Variants in NEO1 observed in about 807,000 individuals in gnomAD.
NEO1 encodes the protein neogenin 1.
A neutral mutation model predicts 159.7 loss-of-function variants in NEO1; 63 were observed. The ratio of observed to expected loss-of-function variants is 0.39; its 90% CI spans 0.32 to 0.49. The LOEUF (loss-of-function observed/expected upper bound fraction) is 0.49, where lower values mean the gene tolerates loss of function less well. Ranked by LOEUF, NEO1 falls within the 20% of genes least tolerant of loss-of-function variation. NEO1 has a pLI of 0.85. For synonymous variants in NEO1, 633 were observed against 662.0 expected (o/e 0.96, Z 0.67); for missense variants, 1,615 against 1,831.0 (o/e 0.88, Z 2.15).
At position 73,293,445 on chromosome 15, in the gene NEO1, C is replaced by T; in HGVS notation, c.3798C>T (p.His1266=). The T allele has an allele frequency of 6.2e-7, 1 of 1,614,222 alleles. No homozygotes were observed. The highest frequency in any genetic ancestry group is 8.5e-7 in the Non-Finnish European group (1 of 1,180,038). ...TCGATAACCCTCACCATCATTTCCA[C>T]TCCAGCAGCCTCGCTTCTCCAGCTC... ...HSLDNPHHHF[H]SSSLASPARS... is the part of the protein sequence containing the mutation. The change falls in exon 26 of 29, where the codon CAC becomes CAT. Residue 1266 remains histidine, a synonymous_variant. Transcript: ENST00000261908.
At chr15:73,225,030 GA>G (rs1203585666) in intron 7 of NEO1, among the ~76,000 whole-genome samples, 1 of 152,094 alleles carries the variant, frequency 6.6e-6, no homozygotes, top group Non-Finnish European at 1.5e-5. Flanking sequence ...TTTTCCTATG[GA>G]TGTGGCTTCC....
In NEO1 at chr15:73,303,013, C is replaced by G; in HGVS notation, c.*317C>G. ...CCTGCATTTCACTTTGTGGTCAGGC[C>G]GTGTCTTTGTGCTGTGACTGCATCA... On this transcript the variant is annotated 3_prime_UTR_variant, in exon 29 of 29. Coordinates refer to ENST00000261908, the MANE Select transcript of NEO1 (RefSeq NM_002499.4). The G allele has an allele frequency of 6.9e-6, 2 of 288,430 alleles. No homozygotes were observed. The highest frequency in any genetic ancestry group is 1.1e-4 in the South Asian group (2 of 18,524). 17.9% of individuals were successfully genotyped at this position (288,430 alleles called of 1,614,324 possible).
intron 1 of NEO1, among the ~76,000 whole-genome samples, chr15:73,095,345 T>C (rs2069952713): frequency 6.6e-6 from 1 of 152,310 alleles, no homozygotes; most frequent in African/African-American, 2.4e-5. Context: ...AAGGAGAATT[T>C]GCGACAGCAA....
intron 7 of NEO1, among the ~76,000 whole-genome samples, chr15:73,182,301 T>C (rs2035655562): frequency 6.6e-6 from 1 of 152,008 alleles, no homozygotes; most frequent in Admixed American, 6.5e-5. Flanking sequence ...ACTAGAAGAA[T>C]GGTGACACCT....
In NEO1 at chr15:73,239,606, C is replaced by T. The variant is rs188492662; in HGVS notation, c.1451+3100C>T. ...ACACATAGACACTTGCCATTGTGTT[C>T]GCATTGCCTACAGCGTTCAGTACAG... On this transcript the variant is annotated intron_variant, in intron 8 of 28. Transcript: ENST00000261908. 3.7e-3 allele frequency among the ~76,000 whole-genome samples: 570 copies of T among 152,246 alleles called. 21 individuals carry two copies. Among genetic ancestry groups the T allele is most frequent in the Admixed American group, 0.033 (509 of 15,296 alleles).
At chr15:73,141,089 T>C (rs949850124) in intron 5 of NEO1, among the ~76,000 whole-genome samples, 1 of 152,240 alleles carries the variant, frequency 6.6e-6, no homozygotes, top group Non-Finnish European at 1.5e-5. Context: ...CTTTTTTTAC[T>C]GTTTACAGAT....
intron 3 of NEO1, among the ~76,000 whole-genome samples, chr15:73,125,008 C>A (rs937054689): frequency 7.2e-5 from 11 of 152,190 alleles, no homozygotes; most frequent in Admixed American, 5.2e-4. Context: ...CTTGCTTTTA[C>A]ATGACAGAGG....
chr15:73,194,953 T>C (rs2036453964), intron 7 of NEO1, among the ~76,000 whole-genome samples: 1 of 152,216 alleles, frequency 6.6e-6, no homozygotes, highest in Admixed American at 6.5e-5. Context: ...TGAATGCTGT[T>C]TTTAGATAGC....
chr15:73,179,395 G>C (rs139505639), intron 7 of NEO1, among the ~76,000 whole-genome samples: 1 of 152,212 alleles, frequency 6.6e-6, no homozygotes, highest in Non-Finnish European at 1.5e-5. Flanking sequence ...GTGGTGTTTT[G>C]CTCTCTAAAC....
chr15:73,116,993 T>A (rs2071363607), intron 2 of NEO1, 136 bp downstream of exon 2: 3 of 695,534 alleles, frequency 4.3e-6, no homozygotes. Flanking sequence ...CAATTGTGCA[T>A]ATACTCTGCG....
At chr15:73,205,663 G>A (rs2037171207) in intron 7 of NEO1, among the ~76,000 whole-genome samples, 1 of 152,092 alleles carries the variant, frequency 6.6e-6, no homozygotes, top group African/African-American at 2.4e-5. Flanking sequence ...TGTCTCCCAT[G>A]GCTTCTGCTT....
chr15:73,066,846 G>C (rs573909788), intron 1 of NEO1, among the ~76,000 whole-genome samples: 1 of 152,136 alleles, frequency 6.6e-6, no homozygotes, highest in Non-Finnish European at 1.5e-5. Context: ...AGAATCTGCC[G>C]ATAGCTCTAG....
chr15:73,164,316 C>T (rs1418425485), intron 5 of NEO1, among the ~76,000 whole-genome samples: 3 of 151,258 alleles, frequency 2.0e-5, no homozygotes, highest in Non-Finnish European at 4.4e-5. Flanking sequence ...TGGGTTCAGT[C>T]CATTCTCCTG....
At chr15:73,182,762 G>C (rs921287810) in intron 7 of NEO1, among the ~76,000 whole-genome samples, 2 of 152,044 alleles carry the variant, frequency 1.3e-5, no homozygotes, top group African/African-American at 2.4e-5. Context: ...TCTACCAGTA[G>C]GTCCCTTCCA....
At chr15:73,148,543 C>T (rs968008302) in intron 5 of NEO1, among the ~76,000 whole-genome samples, 1 of 152,176 alleles carries the variant, frequency 6.6e-6, no homozygotes, top group Non-Finnish European at 1.5e-5. Context: ...CCTATTTCTA[C>T]CCCTAACTGT....
At chr15:73,160,931 C>A (rs1446670677) in intron 5 of NEO1, among the ~76,000 whole-genome samples, 1 of 152,146 alleles carries the variant, frequency 6.6e-6, no homozygotes, top group Non-Finnish European at 1.5e-5. Flanking sequence ...GCTGAAAATT[C>A]CAACCCTCTC....
intron 1 of NEO1, among the ~76,000 whole-genome samples, chr15:73,078,818 CAT>C (rs2151370350): frequency 1.3e-5 from 2 of 152,266 alleles, no homozygotes; most frequent in Middle Eastern, 3.4e-3. Context: ...TTAGTTTTCT[CAT>C]GTGTAAAGCA....
chr15:73,247,225 G>C (rs144544965), intron 9 of NEO1, among the ~76,000 whole-genome samples: 3 of 152,154 alleles, frequency 2.0e-5, no homozygotes, highest in African/African-American at 7.2e-5. Context: ...CAGCTTGTGT[G>C]GGGGAGGCAT....
At chr15:73,301,246 T>G in intron 27 of NEO1, 75 bp from the exon 28 acceptor site, 2 of 1,591,520 alleles carry the variant, frequency 1.3e-6, no homozygotes, top group African/African-American at 1.3e-5. Flanking sequence ...GAAGCAGCAC[T>G]TGGACCTTAG....
Sources: allele counts gnomAD v4.1 joint callset (sites outside exome capture counted in the v4.1 genomes callset), GRCh38; gene constraint gnomAD v4.1.1; transcripts MANE v1.5; gene names NCBI Gene and HGNC (gene_info 2026-07-23, HGNC 2026-07-21).